Variants in CCDC169 observed in about 807,000 individuals in gnomAD.
CCDC169 encodes coiled-coil domain containing 169.
CCDC169 carries 30 observed loss-of-function variants against 36.0 expected under a neutral mutation model. That is an observed-to-expected ratio of 0.83 (90% CI 0.62 to 1.13). CCDC169 has a LOEUF of 1.13. Among genes scored for constraint, CCDC169 ranks in the 50% most tolerant of loss-of-function variants. The pLI, the probability that CCDC169 is intolerant of heterozygous loss-of-function variation, is 0.00. For missense variants in CCDC169, 245 were observed against 245.9 expected, an observed-to-expected ratio of 1.00 and a Z score of 0.03; for synonymous variants, 85 against 81.5, an observed-to-expected ratio of 1.04 and a Z score of -0.23.
chr13:36,244,623 A>G, intron 7 of CCDC169: 1 of 152,014 alleles, frequency 6.6e-6, no homozygotes. Flanking sequence ...CCTGTGAGGT[A>G]CATGGATTAG....
chr13:36,252,796 T>G (rs1873333790), intron 6 of CCDC169, among the ~76,000 whole-genome samples: 1 of 152,198 alleles, frequency 6.6e-6, no homozygotes, highest in East Asian at 1.9e-4. Context: ...CAACTGCTCT[T>G]TGGACACTTC....
chr13:36,265,678 C>G (rs1401238545), intron 4 of CCDC169, among the ~76,000 whole-genome samples: 1 of 152,186 alleles, frequency 6.6e-6, no homozygotes, highest in East Asian at 1.9e-4. Flanking sequence ...CAATTTTGAT[C>G]TGATGAAGGG....
intron 7 of CCDC169, among the ~76,000 whole-genome samples, chr13:36,244,045 G>T (rs1872190059): frequency 6.6e-6 from 1 of 152,106 alleles, no homozygotes; most frequent in South Asian, 2.1e-4. Flanking sequence ...AATAACAGAG[G>T]TAATATATTT....
At chr13:36,247,181 G>T (rs962100205) in intron 7 of CCDC169, among the ~76,000 whole-genome samples, 5 of 152,134 alleles carry the variant, frequency 3.3e-5, no homozygotes, top group Non-Finnish European at 5.9e-5. Flanking sequence ...GAGACCTACT[G>T]CTCAGAAAAT....
At chr13:36,251,390 C>A (rs190216919) in intron 6 of CCDC169, among the ~76,000 whole-genome samples, 17 of 152,056 alleles carry the variant, frequency 1.1e-4, no homozygotes, top group Admixed American at 8.5e-4. Flanking sequence ...AACATTTATA[C>A]TGGGGACAGT....
chr13:36,237,970 C>T (rs1871287620), intron 7 of CCDC169, among the ~76,000 whole-genome samples: 1 of 152,126 alleles, frequency 6.6e-6, no homozygotes, highest in South Asian at 2.1e-4. Context: ...TGTAAGCGCA[C>T]TCTGATGTTT....
At chr13:36,240,548 C>T in intron 7 of CCDC169, 1 of 1,088,066 alleles carries the variant, frequency 9.2e-7, no homozygotes, top group African/African-American at 1.7e-5. Flanking sequence ...GAAGGATACG[C>T]CCCTAACAAT....
At chr13:36,252,480 G>A (rs1873294751) in intron 6 of CCDC169, among the ~76,000 whole-genome samples, 1 of 152,020 alleles carries the variant, frequency 6.6e-6, no homozygotes, top group African/African-American at 2.4e-5. Context: ...TAGATATTCT[G>A]GATCAGTGAC....
chr13:36,283,079 G>C, intron 4 of CCDC169: 1 of 192,454 alleles, frequency 5.2e-6, no homozygotes, highest in Non-Finnish European at 1.1e-5. Flanking sequence ...AATTTTTCGA[G>C]TTAGAAAAAT....
chr13:36,233,468 T>G (rs1357116073), intron 7 of CCDC169, among the ~76,000 whole-genome samples: 1 of 152,116 alleles, frequency 6.6e-6, no homozygotes, highest in African/African-American at 2.4e-5. Flanking sequence ...AATAAACACT[T>G]TCCCTGAGGA....
At chr13:36,259,751 C>T (rs755758715) in intron 4 of CCDC169, among the ~76,000 whole-genome samples, 1 of 152,210 alleles carries the variant, frequency 6.6e-6, no homozygotes, top group Non-Finnish European at 1.5e-5. Context: ...AGACTTGGCT[C>T]GTGACCAAAG....
downstream of CCDC169, chr13:36,226,311 G>GGGAT (rs1160074105): frequency 6.6e-6 from 1 of 152,158 alleles, no homozygotes; most frequent in Non-Finnish European, 1.5e-5. Flanking sequence ...TTTTGGGGAG[G>GGGAT]GGATGGTTTT....
At chr13:36,241,627 A>G (rs1477472607) in intron 7 of CCDC169, among the ~76,000 whole-genome samples, 3 of 152,166 alleles carry the variant, frequency 2.0e-5, no homozygotes, top group Admixed American at 6.5e-5. Flanking sequence ...CCATTCCATT[A>G]CTGATGGACA....
chr13:36,235,496 CTA>C (rs1870962729), intron 7 of CCDC169, among the ~76,000 whole-genome samples: 1 of 151,758 alleles, frequency 6.6e-6, no homozygotes, highest in Non-Finnish European at 1.5e-5. Flanking sequence ...TAAAGAAAAT[CTA>C]TGAACAAAAT....
intron 4 of CCDC169, among the ~76,000 whole-genome samples, chr13:36,255,658 A>AT (rs1183654477): frequency 9.6e-6 from 1 of 103,642 alleles, no homozygotes; most frequent in East Asian, 2.5e-4. Context: ...GCAAGGCTCC[A>AT]TAAAAAAAAA....
At chr13:36,225,096 G>A (rs951383553), downstream of CCDC169, 5 of 152,068 alleles carry the variant, frequency 3.3e-5, no homozygotes, top group Admixed American at 2.0e-4. Context: ...ATATACAGAA[G>A]GATGAAACTG....
At chr13:36,232,105 G>A (rs540768641) in intron 7 of CCDC169, among the ~76,000 whole-genome samples, 1 of 152,302 alleles carries the variant, frequency 6.6e-6, no homozygotes, top group South Asian at 2.1e-4. Flanking sequence ...CGAACACTGA[G>A]CTTTGTAGCA....
intron 7 of CCDC169, among the ~76,000 whole-genome samples, chr13:36,247,220 T>C (rs2138444509): frequency 6.6e-6 from 1 of 152,318 alleles, no homozygotes; most frequent in East Asian, 1.9e-4. Flanking sequence ...TTACTACTTT[T>C]TGAGAATGTA....
chr13:36,291,577 TA>T (rs1236203029), intron 2 of CCDC169, among the ~76,000 whole-genome samples: 1 of 152,168 alleles, frequency 6.6e-6, no homozygotes, highest in African/African-American at 2.4e-5. Flanking sequence ...AATTCTTTAT[TA>T]ATATACTAAT....
Sources: gnomAD v4.1 joint callset for allele counts (sites outside exome capture counted in the v4.1 genomes callset) on GRCh38, gnomAD v4.1.1 for gene constraint, MANE v1.5 for transcripts, NCBI Gene and HGNC (gene_info 2026-07-23, HGNC 2026-07-21) for gene names.